TBC1D22A: variants seen among roughly 807,000 people sequenced by gnomAD.
TBC1D22A encodes TBC1 domain family member 22A, also known as putative GTPase activator.
In TBC1D22A, 38 loss-of-function variants were observed where a neutral mutation model predicts 60.2. That is an observed-to-expected ratio of 0.63 (90% CI 0.49 to 0.83). The LOEUF (loss-of-function observed/expected upper bound fraction) is 0.83. Among genes scored for constraint, TBC1D22A ranks in the 40% least tolerant of loss-of-function variants. TBC1D22A has a pLI of 0.00. For synonymous variants in TBC1D22A, 302 were observed against 281.7 expected, an observed-to-expected ratio of 1.07 and a Z score of -0.72; for missense variants, 628 against 701.0, an observed-to-expected ratio of 0.90 and a Z score of 1.18.
At chr22:47,008,639 C>T (rs1252801898) in intron 10 of TBC1D22A, among the ~76,000 whole-genome samples, 1 of 152,248 alleles carries the variant, frequency 6.6e-6, no homozygotes, top group Non-Finnish European at 1.5e-5. Context: ...CGATGGGCTG[C>T]AGCAAGGGGC....
chr22:46,974,177 T>C (rs1034713458), intron 8 of TBC1D22A, 113 bp from the exon 9 acceptor site: 1 of 780,696 alleles, frequency 1.3e-6, no homozygotes, highest in African/African-American at 1.7e-5. Context: ...CTGATGAGAG[T>C]GGGTGGAGGG....
At chr22:47,050,265 A>T (rs943351560) in intron 11 of TBC1D22A, among the ~76,000 whole-genome samples, 2 of 151,226 alleles carry the variant, frequency 1.3e-5, no homozygotes, top group African/African-American at 4.9e-5. Flanking sequence ...TCGGCCCCCC[A>T]GGGTGCTGGG....
chr22:46,855,383 C>T (rs1473106224), intron 4 of TBC1D22A, among the ~76,000 whole-genome samples: 1 of 152,164 alleles, frequency 6.6e-6, no homozygotes, highest in Non-Finnish European at 1.5e-5. Context: ...TTTAACAAAC[C>T]TTCCTCAGCA....
At chr22:47,134,379 C>T (rs149439945) in intron 12 of TBC1D22A, among the ~76,000 whole-genome samples, 3 of 152,320 alleles carry the variant, frequency 2.0e-5, no homozygotes, top group African/African-American at 4.8e-5. Flanking sequence ...CAAATGACGC[C>T]GGCCTGAGGG....
chr22:47,148,679 T>C lies in TBC1D22A; in HGVS notation c.1426-24819T>C, dbSNP rs954567394. Among the ~76,000 whole-genome samples, 68 of 139,708 alleles carry C rather than the reference T, an allele frequency of 4.9e-4. 1 individual carries two copies. Among genetic ancestry groups the C allele is most frequent in the African/African-American group, 1.8e-3 (65 of 35,686 alleles). The allele number at this position is 139,708 out of a possible 152,430, so 91.7% of individuals were successfully genotyped here. On this transcript the variant is annotated intron_variant, in intron 12 of 12. Transcript: ENST00000337137. ...CCTGGGGTCCGTTCCTCTCCTGGGG[T>C]CCCTCCCTCCCCTGAGTTCCTCTCC...
chr22:47,058,213 G>T (rs371613950), intron 11 of TBC1D22A, among the ~76,000 whole-genome samples: 12 of 152,304 alleles, frequency 7.9e-5, no homozygotes, highest in African/African-American at 2.9e-4. Flanking sequence ...CCCTTAGTGG[G>T]TCTTTGTGTC....
chr22:47,062,022 A>G (rs1252396656), intron 11 of TBC1D22A, among the ~76,000 whole-genome samples: 1 of 138,300 alleles, frequency 7.2e-6, no homozygotes, highest in Non-Finnish European at 1.5e-5. Flanking sequence ...TGGGAGGCAG[A>G]GGTTGCAGTG....
intron 1 of TBC1D22A, among the ~76,000 whole-genome samples, chr22:46,791,097 T>C (rs1038510400): frequency 1.3e-5 from 2 of 152,082 alleles, no homozygotes; most frequent in African/African-American, 2.4e-5. Flanking sequence ...GTAACCCAGG[T>C]TGGAGTTCAG....
chr22:47,160,148 C>A (rs1388246034), intron 12 of TBC1D22A, among the ~76,000 whole-genome samples: 1 of 152,232 alleles, frequency 6.6e-6, no homozygotes, highest in African/African-American at 2.4e-5. Context: ...CGCTCCTTCT[C>A]CTTCACACAG....
chr22:46,806,084 C>T (rs1185919828), intron 4 of TBC1D22A, among the ~76,000 whole-genome samples: 2 of 152,156 alleles, frequency 1.3e-5, no homozygotes, highest in Non-Finnish European at 2.9e-5. Context: ...AACTCCTGAC[C>T]TCGTGATCCA....
At chr22:46,810,722 GGGA>G (rs1178391795) in intron 4 of TBC1D22A, among the ~76,000 whole-genome samples, 2 of 152,190 alleles carry the variant, frequency 1.3e-5, no homozygotes, top group Non-Finnish European at 2.9e-5. Flanking sequence ...TTTAAGCTTT[GGGA>G]GGAGTTTTTT....
chr22:47,096,558 A>G (rs1200377499), intron 11 of TBC1D22A, among the ~76,000 whole-genome samples: 1 of 152,228 alleles, frequency 6.6e-6, no homozygotes, highest in African/African-American at 2.4e-5. Context: ...ACGGTGGCTC[A>G]TGCCTGTAAT....
chr22:46,864,237 G>A (rs1023805778), intron 4 of TBC1D22A, among the ~76,000 whole-genome samples: 3 of 152,196 alleles, frequency 2.0e-5, no homozygotes, highest in Non-Finnish European at 4.4e-5. Flanking sequence ...TAAGGGTCAC[G>A]AAGCCTAGAC....
intron 10 of TBC1D22A, among the ~76,000 whole-genome samples, chr22:47,024,146 G>A (rs1278686196): frequency 6.6e-6 from 1 of 152,182 alleles, no homozygotes; most frequent in Non-Finnish European, 1.5e-5. Context: ...CGTATCTGGA[G>A]GGAAACTGTG....
At chr22:47,025,892 C>T (rs771327075) in intron 10 of TBC1D22A, among the ~76,000 whole-genome samples, 11 of 152,130 alleles carry the variant, frequency 7.2e-5, no homozygotes, top group African/African-American at 1.9e-4. Flanking sequence ...TAGAGGGAAA[C>T]GTATAGTGCT....
intron 12 of TBC1D22A, among the ~76,000 whole-genome samples, chr22:47,133,309 T>G (rs1474057663): frequency 6.6e-6 from 1 of 152,100 alleles, no homozygotes; most frequent in Non-Finnish European, 1.5e-5. Flanking sequence ...TAAGGAAAAA[T>G]AGACGTAGTG....
intron 8 of TBC1D22A, among the ~76,000 whole-genome samples, chr22:46,963,013 AC>A (rs1420132864): frequency 6.6e-6 from 1 of 151,508 alleles, no homozygotes; most frequent in Non-Finnish European, 1.5e-5. Context: ...GGAGATCGAG[AC>A]CATTCCTGGC....
intron 11 of TBC1D22A, among the ~76,000 whole-genome samples, chr22:47,088,389 G>T (rs900990087): frequency 6.6e-6 from 1 of 152,100 alleles, no homozygotes; most frequent in Non-Finnish European, 1.5e-5. Flanking sequence ...AATTTAAAGG[G>T]ACCCTCTCTA....
chr22:46,895,642 G>A (rs1250711858), intron 7 of TBC1D22A, among the ~76,000 whole-genome samples: 1 of 152,230 alleles, frequency 6.6e-6, no homozygotes, highest in Non-Finnish European at 1.5e-5. Context: ...AAAATGCTGG[G>A]ATTACAGGTG....
Sources: gnomAD v4.1 joint callset for allele counts (sites outside exome capture counted in the v4.1 genomes callset) on GRCh38, gnomAD v4.1.1 for gene constraint, MANE v1.5 for transcripts, NCBI Gene and HGNC (gene_info 2026-07-23, HGNC 2026-07-21) for gene names.